Variants in ZNF609 observed in about 807,000 individuals in gnomAD.
The protein encoded by ZNF609 is zinc finger protein 609.
In ZNF609, 11 loss-of-function variants were observed where a neutral mutation model predicts 109.5. The observed-to-expected ratio is 0.10, with a 90% CI of 0.06 to 0.17. The LOEUF (loss-of-function observed/expected upper bound fraction) is 0.17, where lower values mean the gene tolerates loss of function less well. Ranked by LOEUF, ZNF609 falls within the 10% of genes least tolerant of loss-of-function variation. The pLI is 1.00. For missense variants in ZNF609, 1,559 were observed against 1,772.4 expected (o/e 0.88, Z 2.16); for synonymous variants, 646 against 662.0 (o/e 0.98, Z 0.37).
intron 2 of ZNF609, among the ~76,000 whole-genome samples, chr15:64,509,134 G>A (rs1477313935): frequency 6.6e-6 from 1 of 152,112 alleles, no homozygotes; most frequent in Non-Finnish European, 1.5e-5. Context: ...TGTAACGCTG[G>A]GCAGTAGGTA....
intron 4 of ZNF609, among the ~76,000 whole-genome samples, chr15:64,670,879 C>CAA (rs112565259): frequency 0.086 from 4,369 of 50,624 alleles, 310 homozygotes; most frequent in African/African-American, 0.25. Flanking sequence ...AACTCCATCT[C>CAA]AAAAAAAAAA....
chr15:64,675,320 G>T lies in ZNF609; in HGVS notation c.2466G>T (p.Leu822=), dbSNP rs77465580. The change falls in exon 5 of 10, where the codon CTG becomes CTT. Residue 822 remains leucine (L), a synonymous_variant. Coordinates refer to ENST00000326648, the MANE Select transcript of ZNF609 (RefSeq NM_015042.2). ...RLENTTPTQP[L]TPLHVVTQNG... ...AAAACACTACCCCTACTCAGCCCCT[G>T]ACTCCCTTACATGTGGTGACCCAGA... The T allele has an allele frequency of 2.5e-3, 3,964 of 1,613,998 alleles. 74 individuals carry two copies. The African/African-American group carries it at 0.046, about 19-fold the overall frequency.
At chr15:64,661,502 A>G (rs891945939) in intron 3 of ZNF609, among the ~76,000 whole-genome samples, 2 of 152,206 alleles carry the variant, frequency 1.3e-5, no homozygotes, top group African/African-American at 4.8e-5. Flanking sequence ...CAGTTAGGGT[A>G]TAGTTGTCAA....
chr15:64,582,698 CTCTT>C (rs201473224), intron 2 of ZNF609, among the ~76,000 whole-genome samples: 1,639 of 144,778 alleles, frequency 0.011, 35 homozygotes, highest in African/African-American at 0.039. Context: ...TATCCATTCA[CTCTT>C]TCTTTCTTTC....
At chr15:64,547,718 T>C (rs943485893) in intron 2 of ZNF609, among the ~76,000 whole-genome samples, 5 of 152,126 alleles carry the variant, frequency 3.3e-5, no homozygotes, top group Admixed American at 6.6e-5. Context: ...GTTTTAGTGC[T>C]TGGGATACAT....
chr15:64,662,926 C>A (rs1464566318), intron 3 of ZNF609, among the ~76,000 whole-genome samples: 2 of 152,008 alleles, frequency 1.3e-5, no homozygotes, highest in Non-Finnish European at 2.9e-5. Context: ...CTCGGCCTCC[C>A]AAATTGCTGA....
At chr15:64,652,667 T>G (rs747301168) in intron 3 of ZNF609, among the ~76,000 whole-genome samples, 19 of 152,130 alleles carry the variant, frequency 1.2e-4, no homozygotes, top group Admixed American at 5.2e-4. Flanking sequence ...GGACTACAAG[T>G]GTGAATCACT....
In ZNF609 at chr15:64,464,750, CTT is replaced by C. The variant is rs367798777; in HGVS notation, c.-128+3915_-128+3916del. On this transcript the variant is annotated intron_variant, in intron 1 of 9. Transcript: ENST00000326648. ...GTCCACTAAGTGTCAGTGAAGGACT[CTT>C]TTCGCTAGGGAACAGGTAATTCACC... Among the ~76,000 whole-genome samples the C allele has an allele frequency of 9.6e-4, 146 of 152,256 alleles. 2 individuals are homozygous for C. Among genetic ancestry groups the C allele is most frequent in the African/African-American group, 3.3e-3 (137 of 41,556 alleles).
At chr15:64,491,857 A>G (rs986235474) in intron 1 of ZNF609, among the ~76,000 whole-genome samples, 4 of 151,732 alleles carry the variant, frequency 2.6e-5, no homozygotes, top group African/African-American at 9.7e-5. Context: ...AAATAAATAA[A>G]TAAAACCATG....
chr15:64,469,051 AAAAAACAAC>A lies in ZNF609; in HGVS notation c.-128+8215_-128+8223del, dbSNP rs1218290061. 1.1e-4 allele frequency among the ~76,000 whole-genome samples: 15 copies of A among 135,586 alleles called. 1 individual carries two copies. The highest frequency in any genetic ancestry group is 1.2e-4 in the Non-Finnish European group (7 of 59,508). The allele number at this position is 135,586 out of a possible 152,430, so 88.9% of individuals were successfully genotyped here. Reference sequence around the variant, plus strand: ...CCTCATATCTTAAAAAAAAAAAAAAAAAAAACAACACAATTCAGCCTGGCCAACATGGTG... The same window carrying A: ...CCTCATATCTTAAAAAAAAAAAAAAAACAATTCAGCCTGGCCAACATGGTG... On this transcript the variant is annotated intron_variant, in intron 1 of 9. Coordinates refer to ENST00000326648, the MANE Select transcript of ZNF609 (RefSeq NM_015042.2).
intron 2 of ZNF609, among the ~76,000 whole-genome samples, chr15:64,556,334 T>C (rs1894586763): frequency 6.6e-6 from 1 of 152,050 alleles, no homozygotes; most frequent in African/African-American, 2.4e-5. Context: ...AGCCTGGCAA[T>C]GTTGCCCAGG....
At chr15:64,530,139 C>G (rs1403759495) in intron 2 of ZNF609, among the ~76,000 whole-genome samples, 1 of 151,362 alleles carries the variant, frequency 6.6e-6, no homozygotes, top group African/African-American at 2.4e-5. Flanking sequence ...CTCAGCCTCC[C>G]GACTAGCTGG....
chr15:64,622,513 CTT>C (rs1463253440), intron 2 of ZNF609, among the ~76,000 whole-genome samples: 1 of 152,098 alleles, frequency 6.6e-6, no homozygotes, highest in Non-Finnish European at 1.5e-5. Flanking sequence ...TCATTAGAGA[CTT>C]TTTAATGAGA....
At chr15:64,554,123 T>G (rs1595716442) in intron 2 of ZNF609, among the ~76,000 whole-genome samples, 1 of 152,310 alleles carries the variant, frequency 6.6e-6, no homozygotes, top group African/African-American at 2.4e-5. Flanking sequence ...TCCATAGAAG[T>G]GCTAAGAGTA....
At chr15:64,603,556 A>C (rs1895541659) in intron 2 of ZNF609, among the ~76,000 whole-genome samples, 1 of 151,168 alleles carries the variant, frequency 6.6e-6, no homozygotes, top group African/African-American at 2.4e-5. Context: ...GGCGTGAGCC[A>C]CTGCACCTGG....
At chr15:64,497,532 T>C (rs1177648112) in intron 1 of ZNF609, among the ~76,000 whole-genome samples, 3 of 152,210 alleles carry the variant, frequency 2.0e-5, no homozygotes, top group African/African-American at 7.2e-5. Context: ...TACAGATCTC[T>C]ACAAAGTTAG....
intron 2 of ZNF609, among the ~76,000 whole-genome samples, chr15:64,507,066 G>C (rs1334159427): frequency 6.6e-6 from 1 of 152,122 alleles, no homozygotes; most frequent in Non-Finnish European, 1.5e-5. Context: ...TTAGCTTAGG[G>C]CATATTGAAG....
At chr15:64,555,523 G>T (rs1222258875) in intron 2 of ZNF609, among the ~76,000 whole-genome samples, 2 of 151,836 alleles carry the variant, frequency 1.3e-5, no homozygotes, top group African/African-American at 4.8e-5. Flanking sequence ...AATTAGCCGG[G>T]CATGGTGTTG....
chr15:64,497,410 C>G (rs926290348), intron 1 of ZNF609, among the ~76,000 whole-genome samples: 1 of 152,142 alleles, frequency 6.6e-6, no homozygotes, highest in African/African-American at 2.4e-5. Context: ...CCCTCCTTTG[C>G]TCTTCTACTG....
Sources: allele counts gnomAD v4.1 joint callset (sites outside exome capture counted in the v4.1 genomes callset), GRCh38; gene constraint gnomAD v4.1.1; transcripts MANE v1.5; gene names NCBI Gene and HGNC (gene_info 2026-07-23, HGNC 2026-07-21).